The following STK10 variants were observed in gnomAD, a reference collection of about 807,000 sequenced individuals.
STK10 encodes the protein serine/threonine kinase 10.
In STK10, 78 loss-of-function variants were observed where a neutral mutation model predicts 113.8. The ratio of observed to expected loss-of-function variants is 0.69; its 90% CI spans 0.57 to 0.83. STK10 has a LOEUF of 0.83. Ranked by LOEUF, STK10 falls within the 40% of genes least tolerant of loss-of-function variation. STK10 has a pLI of 0.00. For missense variants in STK10, 1,109 were observed against 1,280.1 expected (o/e 0.87, Z 2.04); for synonymous variants, 465 against 494.7 (o/e 0.94, Z 0.80).
chr5:172,179,318 C>G (rs777491877), intron 1 of STK10, among the ~76,000 whole-genome samples: 3 of 152,188 alleles, frequency 2.0e-5, no homozygotes, highest in Admixed American at 6.5e-5. Context: ...CCAGATCCTA[C>G]TGAGCCCCAA....
At chr5:172,161,245 A>G (rs1361213718) in intron 1 of STK10, among the ~76,000 whole-genome samples, 2 of 152,060 alleles carry the variant, frequency 1.3e-5, no homozygotes, top group African/African-American at 4.8e-5. Context: ...TGAGGTCAGG[A>G]GTTTGAGACC....
intron 1 of STK10, among the ~76,000 whole-genome samples, chr5:172,168,664 C>T (rs188600050): frequency 1.3e-5 from 2 of 152,272 alleles, no homozygotes; most frequent in African/African-American, 4.8e-5. Flanking sequence ...GTACCACCAT[C>T]GCCTTTTATG....
chr5:172,074,706 T>C (rs1251765560), intron 12 of STK10, among the ~76,000 whole-genome samples: 1 of 151,994 alleles, frequency 6.6e-6, no homozygotes, highest in Non-Finnish European at 1.5e-5. Context: ...ACAGACTTCA[T>C]CAAAAACAAA....
chr5:172,070,264 T>G (rs1044692009), intron 12 of STK10, among the ~76,000 whole-genome samples: 12 of 138,336 alleles, frequency 8.7e-5, no homozygotes, highest in South Asian at 2.2e-4. Context: ...AATATATATC[T>G]ATATATCTAT....
chr5:172,158,910 G>C (rs1346746980), intron 1 of STK10, among the ~76,000 whole-genome samples: 1 of 152,168 alleles, frequency 6.6e-6, no homozygotes, highest in African/African-American at 2.4e-5. Flanking sequence ...TTATTGTTTA[G>C]TGGGTAAAGA....
At chr5:172,062,486 T>A (rs1274413019) in intron 13 of STK10, among the ~76,000 whole-genome samples, 1 of 152,076 alleles carries the variant, frequency 6.6e-6, no homozygotes, top group Non-Finnish European at 1.5e-5. Context: ...AGTCAAGGGA[T>A]GAAAACAGCC....
At position 172,103,042 on chromosome 5, in the gene STK10, T is replaced by C. The variant is rs1272507281; in HGVS notation, c.870+2614A>G. 3.9e-5 allele frequency among the ~76,000 whole-genome samples: 6 copies of C among 152,202 alleles called. No individual in the cohort carries two copies. The East Asian group carries it at 1.2e-3, about 29-fold the overall frequency. On this transcript the variant is annotated intron_variant, in intron 7 of 18. Transcript: ENST00000176763. ...AATGAATCACAAACCAATGGGGGCG[T>C]GAATCACTCCGCCCAGGGCGGGACA... is the stretch of plus-strand genomic sequence containing the variant.
intron 4 of STK10, among the ~76,000 whole-genome samples, chr5:172,109,650 C>A (rs941928344): frequency 4.6e-5 from 7 of 152,156 alleles, no homozygotes; most frequent in African/African-American, 1.7e-4. Flanking sequence ...CTCAGTCTTT[C>A]CTCACACACC....
intron 2 of STK10, among the ~76,000 whole-genome samples, chr5:172,147,688 A>G (rs1169714030): frequency 1.3e-5 from 2 of 151,982 alleles, no homozygotes; most frequent in South Asian, 2.1e-4. Context: ...CACTGTGCCC[A>G]GCCTCAGACT....
At position 172,044,001 on chromosome 5, in the gene STK10, G is replaced by C. The variant is rs1338796440; in HGVS notation, c.*881C>G. Reference sequence around the variant, plus strand: ...CCCTGCACACAGGAGCCTGTGCGGGGGCCAGCACGCATCGCAGCCTGGCAG... The same window carrying C: ...CCCTGCACACAGGAGCCTGTGCGGGCGCCAGCACGCATCGCAGCCTGGCAG... On this transcript the variant is annotated 3_prime_UTR_variant, in exon 19 of 19. Transcript: ENST00000176763. The surrounding 1 kb of genome is among the most constrained non-coding windows in gnomAD (Gnocchi z 4.5). 1 of 152,412 alleles carries C rather than the reference G, an allele frequency of 6.6e-6. No individual in the cohort carries two copies. The highest frequency in any genetic ancestry group is 2.4e-5 in the African/African-American group (1 of 41,448). 9.4% of individuals were successfully genotyped at this position (152,412 alleles called of 1,614,324 possible).
rs572750665 is a variant in STK10, at chr5:172,073,968, T to A, written c.1989+8358A>T. On this transcript the variant is annotated intron_variant, in intron 12 of 18. Coordinates refer to ENST00000176763, the MANE Select transcript of STK10 (RefSeq NM_005990.4). ...TGACAGAGCAAGACTCTGTCTCAAA[T>A]AATAATAATAATAATAATAATTCGA... 4.9e-3 allele frequency among the ~76,000 whole-genome samples: 531 copies of A among 108,326 alleles called. 3 individuals are homozygous for A. The highest frequency in any genetic ancestry group is 6.1e-3 in the Non-Finnish European group (323 of 52,620). 71.1% of individuals were successfully genotyped at this position (108,326 alleles called of 152,430 possible).
chr5:172,097,354 C>G (rs1034816073), intron 7 of STK10, among the ~76,000 whole-genome samples: 2 of 152,148 alleles, frequency 1.3e-5, no homozygotes, highest in Non-Finnish European at 2.9e-5. Context: ...TGACTTTTTA[C>G]ATATATATGC....
chr5:172,095,971 G>C (rs1016897204), intron 8 of STK10, among the ~76,000 whole-genome samples: 2 of 152,208 alleles, frequency 1.3e-5, no homozygotes, highest in Non-Finnish European at 2.9e-5. Flanking sequence ...AGCTGCAAAA[G>C]AGTTCCAAAT....
chr5:172,098,368 C>T (rs1301909164), intron 7 of STK10, among the ~76,000 whole-genome samples: 1 of 152,058 alleles, frequency 6.6e-6, no homozygotes, highest in Non-Finnish European at 1.5e-5. Context: ...CAAGCTGAGA[C>T]CCAAGGGAAA....
rs759096595 is a variant in STK10, at chr5:172,188,087, G to C, written c.-45C>G. The C allele has an allele frequency of 1.0e-5, 16 of 1,588,876 alleles. No homozygotes were observed. Among genetic ancestry groups the C allele is most frequent in the Non-Finnish European group, 1.3e-5 (15 of 1,167,238 alleles). On this transcript the variant is annotated 5_prime_UTR_variant, in exon 1 of 19. Transcript: ENST00000176763. This position sits in a 1 kb window ranked among gnomAD's most constrained non-coding sequence, Gnocchi z 5.6. Reference sequence around the variant, plus strand: ...CCGGCTCGGGCTCGGGCTCGGGCTCGGGCTGTGGCTTCGGCGGCCGCGAGG... The same window carrying C: ...CCGGCTCGGGCTCGGGCTCGGGCTCCGGCTGTGGCTTCGGCGGCCGCGAGG...
chr5:172,095,071 T>A (rs2113749510), intron 8 of STK10, among the ~76,000 whole-genome samples: 1 of 152,342 alleles, frequency 6.6e-6, no homozygotes, highest in East Asian at 1.9e-4. Context: ...CTCTCCCACC[T>A]CTTGACATAG....
At chr5:172,118,906 T>C (rs1769444641) in intron 3 of STK10, among the ~76,000 whole-genome samples, 1 of 122,578 alleles carries the variant, frequency 8.2e-6, no homozygotes, top group Non-Finnish European at 1.7e-5. Flanking sequence ...AAGTGTCCAC[T>C]GAGGAGACCC....
At chr5:172,186,618 T>C (rs1324266248) in intron 1 of STK10, among the ~76,000 whole-genome samples, 1 of 150,640 alleles carries the variant, frequency 6.6e-6, no homozygotes, top group African/African-American at 2.4e-5. Flanking sequence ...GGAAACCCTG[T>C]CTCAAAAAAA....
At chr5:172,163,860 G>A (rs1486330209) in intron 1 of STK10, among the ~76,000 whole-genome samples, 1 of 152,042 alleles carries the variant, frequency 6.6e-6, no homozygotes, top group East Asian at 1.9e-4. Flanking sequence ...AAGTGGGTAG[G>A]GACTCATCTT....
Sources: gnomAD v4.1 joint callset for allele counts (sites outside exome capture counted in the v4.1 genomes callset) on GRCh38, gnomAD v4.1.1 for gene constraint, Gnocchi (gnomAD v3.1) non-coding constraint, MANE v1.5 for transcripts, NCBI Gene and HGNC (gene_info 2026-07-23, HGNC 2026-07-21) for gene names.